OPHN1: variants seen among roughly 807,000 people sequenced by gnomAD.
OPHN1 encodes the protein oligophrenin-1.
OPHN1 carries 11 observed loss-of-function variants against 60.7 expected under a neutral mutation model. That is an observed-to-expected ratio of 0.18 (90% CI 0.11 to 0.30). OPHN1 has a LOEUF of 0.30. Ranked by LOEUF, OPHN1 falls within the 10% of genes least tolerant of loss-of-function variation. The probability of loss-of-function intolerance (pLI) is 1.00; values close to 1 mark genes in which losing one functional copy is unlikely to be tolerated. For synonymous variants in OPHN1, 226 were observed against 222.6 expected (o/e 1.02, Z -0.14); for missense variants, 449 against 611.0 (o/e 0.73, Z 2.80).
intron 1 of OPHN1, 35 bp downstream of exon 1, chrX:68,433,133 A>G (rs916944146): frequency 1.3e-6 from 1 of 771,058 alleles, no homozygotes; most frequent in Non-Finnish European, 1.8e-6. Context: ...CGCTTAAGGA[A>G]GCTCATAGCC....
Position 68,368,334 on chromosome X carries a change from C to T in OPHN1, c.154+64533G>A, listed in dbSNP as rs1387131149. Among the ~76,000 whole-genome samples, 3 of 110,897 alleles carry T rather than the reference C, an allele frequency of 2.7e-5. No individual in the cohort carries two copies. In the East Asian group the frequency reaches 8.5e-4, roughly 32 times the overall value. ...TCGCTTGAAGTCAGGAGTTGGAGACCACCCTGGGCAACATAGCAAGACCTC... is the reference window on the plus strand; with the variant it reads ...TCGCTTGAAGTCAGGAGTTGGAGACTACCCTGGGCAACATAGCAAGACCTC... On this transcript the variant is annotated intron_variant, in intron 2 of 24. Coordinates refer to ENST00000355520, the MANE Select transcript of OPHN1 (RefSeq NM_002547.3).
chrX:68,160,174 T>C (rs1305908445), intron 15 of OPHN1, among the ~76,000 whole-genome samples: 2 of 109,743 alleles, frequency 1.8e-5, no homozygotes, highest in Admixed American at 2.0e-4. Flanking sequence ...AAAATATTAG[T>C]AGAAACAAAG....
chrX:68,393,074 C>T (rs1375738652), intron 2 of OPHN1, among the ~76,000 whole-genome samples: 1 of 111,629 alleles, frequency 9.0e-6, no homozygotes, highest in Non-Finnish European at 1.9e-5. Flanking sequence ...TAAAAGGGCA[C>T]ACTGTAACAC....
At chrX:68,104,000 A>C (rs2147416386) in intron 18 of OPHN1, among the ~76,000 whole-genome samples, 1 of 112,093 alleles carries the variant, frequency 8.9e-6, no homozygotes, top group East Asian at 2.8e-4. Flanking sequence ...CAATGTGCAA[A>C]AATCACAAGC....
At chrX:68,391,957 C>A (rs752604398) in intron 2 of OPHN1, among the ~76,000 whole-genome samples, 2 of 111,869 alleles carry the variant, frequency 1.8e-5, no homozygotes, top group Non-Finnish European at 3.8e-5. Context: ...GTACTTCTGA[C>A]CTCCAGAACT....
intron 15 of OPHN1, among the ~76,000 whole-genome samples, chrX:68,182,637 G>A (rs1405957713): frequency 2.7e-5 from 3 of 111,937 alleles, no homozygotes; most frequent in Non-Finnish European, 5.6e-5. Flanking sequence ...CTGGCCGGGC[G>A]CAGTGGCTCA....
At chrX:68,384,763 T>C (rs187215628) in intron 2 of OPHN1, among the ~76,000 whole-genome samples, 3 of 110,984 alleles carry the variant, frequency 2.7e-5, no homozygotes, top group African/African-American at 9.8e-5. Flanking sequence ...TTGCAGCAAC[T>C]TGGACAGAGT....
At chrX:68,065,941 G>A (rs754252367) in intron 20 of OPHN1, among the ~76,000 whole-genome samples, 1 of 112,229 alleles carries the variant, frequency 8.9e-6, no homozygotes, top group African/African-American at 3.2e-5. Context: ...GAACCAAGGG[G>A]AGTTCCCCTA....
chrX:68,324,613 C>CAA (rs200346198), intron 2 of OPHN1, among the ~76,000 whole-genome samples: 3 of 65,166 alleles, frequency 4.6e-5, no homozygotes, highest in South Asian at 6.7e-4. Flanking sequence ...TACCTTTTCT[C>CAA]AAAAAAAAAA....
chrX:68,393,892 T>TTTTTG (rs964922092), intron 2 of OPHN1, among the ~76,000 whole-genome samples: 4 of 67,683 alleles, frequency 5.9e-5, no homozygotes, highest in East Asian at 5.2e-4. Context: ...TTTGTTTTTT[T>TTTTTG]TTTTTTTTTT....
chrX:68,253,028 C>T (rs1303995444), intron 5 of OPHN1, among the ~76,000 whole-genome samples: 1 of 109,721 alleles, frequency 9.1e-6, no homozygotes, highest in African/African-American at 3.4e-5. Context: ...TTTAAACACC[C>T]ACTTTGGTTA....
rs1417008647 is a variant in OPHN1 at position 68,202,423 on chromosome X, T to G, written c.934-713A>C. 1.9e-4 allele frequency among the ~76,000 whole-genome samples: 21 copies of G among 111,483 alleles called. No individual in the cohort carries two copies. In the Admixed American group the frequency reaches 2.0e-3, roughly 11 times the overall value. On this transcript the variant is annotated intron_variant, in intron 10 of 24. Coordinates refer to ENST00000355520, the MANE Select transcript of OPHN1 (RefSeq NM_002547.3). ...CTAGTCTCACCTTGTTCAGATTCCCTCTCTTATCTCAACAGAGACCATGTG... is the reference window on the plus strand; with the variant it reads ...CTAGTCTCACCTTGTTCAGATTCCCGCTCTTATCTCAACAGAGACCATGTG...
At chrX:68,210,426 G>A (rs1370554530) in intron 8 of OPHN1, 144 bp from the exon 9 acceptor site, 1 of 586,647 alleles carries the variant, frequency 1.7e-6, no homozygotes, top group East Asian at 3.6e-5. Context: ...GAATGGCATA[G>A]TGAATGGAAA....
intron 2 of OPHN1, among the ~76,000 whole-genome samples, chrX:68,346,096 C>G (rs1426060531): frequency 3.6e-5 from 4 of 111,816 alleles, no homozygotes; most frequent in Non-Finnish European, 7.5e-5. Flanking sequence ...CCACTGCACT[C>G]CAGCCTGGGC....
intron 15 of OPHN1, among the ~76,000 whole-genome samples, chrX:68,176,973 C>CATAT (rs59326514): frequency 0.064 from 6,382 of 99,044 alleles, 382 homozygotes; most frequent in African/African-American, 0.18. Flanking sequence ...TTTATATATA[C>CATAT]ATATATATAT....
chrX:68,212,052 G>A (rs752565032), intron 8 of OPHN1, 56 bp downstream of exon 8: 4 of 875,234 alleles, frequency 4.6e-6, no homozygotes, highest in Non-Finnish European at 5.0e-6. Flanking sequence ...GGTCGCTAGG[G>A]CTGAAATTCA....
intron 2 of OPHN1, among the ~76,000 whole-genome samples, chrX:68,333,791 G>A (rs72627694): frequency 9.0e-6 from 1 of 110,982 alleles, no homozygotes; most frequent in East Asian, 2.8e-4. Context: ...TGGGAAGCAA[G>A]TGTTATTAAT....
intron 5 of OPHN1, among the ~76,000 whole-genome samples, chrX:68,242,722 A>T (rs1317630572): frequency 4.5e-5 from 5 of 112,063 alleles, no homozygotes; most frequent in Non-Finnish European, 9.4e-5. Flanking sequence ...CACTAGATGG[A>T]ATATTATTAA....
At chrX:68,405,796 G>C (rs1185318355) in intron 2 of OPHN1, among the ~76,000 whole-genome samples, 2 of 111,611 alleles carry the variant, frequency 1.8e-5, no homozygotes, top group Non-Finnish European at 3.8e-5. Flanking sequence ...TCCAAGAAAT[G>C]TTTTCTAAAC....
Sources: gnomAD v4.1 joint callset for allele counts (sites outside exome capture counted in the v4.1 genomes callset) on GRCh38, gnomAD v4.1.1 for gene constraint, MANE v1.5 for transcripts, NCBI Gene and HGNC (gene_info 2026-07-23, HGNC 2026-07-21) for gene names.